ATM: variants seen among roughly 807,000 people sequenced by gnomAD.
The protein encoded by ATM is ATM serine/threonine kinase, also known as serine-protein kinase ATM.
In ATM, 308 loss-of-function variants were observed where a neutral mutation model predicts 387.0. The observed-to-expected ratio is 0.80, with a 90% CI of 0.73 to 0.87. The LOEUF is 0.87. ATM is among the 40% of genes least tolerant of loss of function. ATM has a pLI of 0.00. For synonymous variants in ATM, 1,156 were observed against 1,187.3 expected, an observed-to-expected ratio of 0.97 and a Z score of 0.54; for missense variants, 3,312 against 3,560.9, an observed-to-expected ratio of 0.93 and a Z score of 1.78.
intron 4 of ATM, among the ~76,000 whole-genome samples, chr11:108,231,797 A>G (rs1441603271): frequency 6.6e-6 from 1 of 151,540 alleles, no homozygotes; most frequent in African/African-American, 2.4e-5. Context: ...GATTGGTGGT[A>G]TGAGACTTGA....
At chr11:108,357,730 G>C (rs1490002973) in intron 61 of ATM, among the ~76,000 whole-genome samples, 2 of 152,164 alleles carry the variant, frequency 1.3e-5, no homozygotes, top group African/African-American at 2.4e-5. Context: ...CTGCAGCTGA[G>C]GGTCTTGTCT....
At chr11:108,330,930 C>A (rs1315970301) in intron 50 of ATM, among the ~76,000 whole-genome samples, 1 of 152,008 alleles carries the variant, frequency 6.6e-6, no homozygotes, top group Non-Finnish European at 1.5e-5. Flanking sequence ...AGTGATGACA[C>A]CTAATATTAA....
intron 4 of ATM, 94 bp from the exon 5 acceptor site, chr11:108,235,576 A>G: frequency 8.3e-7 from 1 of 1,207,676 alleles, no homozygotes; most frequent in Non-Finnish European, 1.2e-6. Flanking sequence ...GTTAATAGTA[A>G]TTTCCCAAAT....
chr11:108,267,895 C>T (rs938318685), intron 17 of ATM, among the ~76,000 whole-genome samples: 1 of 152,160 alleles, frequency 6.6e-6, no homozygotes, highest in African/African-American at 2.4e-5. Flanking sequence ...GTTATTTCCT[C>T]AATAGAAAGC....
chr11:108,268,836 C>G (rs1400990038), intron 18 of ATM, among the ~76,000 whole-genome samples: 1 of 152,144 alleles, frequency 6.6e-6, no homozygotes, highest in Non-Finnish European at 1.5e-5. Context: ...GATTTATTCT[C>G]TTTAGGTTTA....
At chr11:108,295,120 A>G (rs942328128) in intron 32 of ATM, 61 bp downstream of exon 32, 1 of 1,600,236 alleles carries the variant, frequency 6.2e-7, no homozygotes, top group African/African-American at 1.3e-5. Flanking sequence ...AATATTTTGC[A>G]AAGTCTTGCT....
At position 108,251,060 on chromosome 11, in the gene ATM, G is replaced by A. The variant is rs35963548; in HGVS notation, c.1595G>A (p.Cys532Tyr). 1.8e-4 allele frequency: 285 copies of A among 1,614,030 alleles called. No individual in the cohort carries two copies. The Middle Eastern group carries it at 2.3e-3, about 13-fold the overall frequency. The change falls in exon 10 of 63, where the codon TGC becomes TAC. Residue 532 changes from cysteine to tyrosine, a missense_variant. Physicochemically the swap from Cys to Tyr is radical, Grantham distance 194 (BLOSUM62 -2). Around this residue, in one of 4 missense-constraint regions of ATM, gnomAD observed 1,791 missense variants for 1,804.5 expected, o/e 0.99. Coordinates refer to ENST00000675843, the MANE Select transcript of ATM (RefSeq NM_000051.4). ...EFWKLFTGSA[C>Y]RPSCPAVCCL... ...TGGAAGTTATTTACTGGGTCAGCCT[G>A]CAGACCTTCATGGTAAGTTCAGCAT... is the stretch of plus-strand genomic sequence containing the variant.
rs587780855 is a variant in ATM, at chr11:108,253,955, C to T, written c.2040C>T (p.Phe680=). 66 of 1,613,956 alleles carry T rather than the reference C, an allele frequency of 4.1e-5. No individual in the cohort carries two copies. Among genetic ancestry groups the T allele is most frequent in the Non-Finnish European group, 5.2e-5 (61 of 1,180,004 alleles). Residue 680 remains phenylalanine, a synonymous_variant, in exon 13 of 63, where the codon TTC becomes TTT. Transcript: ENST00000675843. ...GIEKHQSSIG[F]SVHQNLKESL... ...AAAAGCACCAGTCCAGTATTGGCTT[C>T]TCTGTCCACCAGAATCTCAAGGAAT...
chr11:108,236,105 G>A, intron 5 of ATM: 1 of 455,398 alleles, frequency 2.2e-6, no homozygotes. Flanking sequence ...GTTGACAGTG[G>A]CAGAAGAAAA....
At chr11:108,335,401 T>C in intron 55 of ATM, 1 of 770,908 alleles carries the variant, frequency 1.3e-6, no homozygotes, top group South Asian at 1.8e-5. Flanking sequence ...CTTTGGTGTC[T>C]GTCTCTTATT....
intron 4 of ATM, among the ~76,000 whole-genome samples, chr11:108,233,781 A>G (rs946809689): frequency 1.3e-5 from 2 of 151,918 alleles, no homozygotes; most frequent in Admixed American, 6.6e-5. Flanking sequence ...CAGGAGGTCA[A>G]GGCTGCAGTG....
At chr11:108,249,465 A>AGG (rs2080022811) in intron 9 of ATM, among the ~76,000 whole-genome samples, 1 of 152,244 alleles carries the variant, frequency 6.6e-6, no homozygotes, top group Admixed American at 6.5e-5. Flanking sequence ...GGAAGAAGTT[A>AGG]AAGATAATCT....
chr11:108,289,448 C>G (rs981739973), intron 28 of ATM, among the ~76,000 whole-genome samples, 154 bp from the exon 29 acceptor site: 28 of 152,010 alleles, frequency 1.8e-4, no homozygotes, highest in African/African-American at 6.5e-4. Flanking sequence ...ACATTTTGTA[C>G]TTGATATCAA....
chr11:108,281,822 G>A (rs1371924542), intron 24 of ATM, among the ~76,000 whole-genome samples: 1 of 152,098 alleles, frequency 6.6e-6, no homozygotes, highest in African/African-American at 2.4e-5. Flanking sequence ...CCTATAATCA[G>A]TTAGCCTTTT....
At chr11:108,248,178 T>TCAG (rs2079948113) in intron 8 of ATM, among the ~76,000 whole-genome samples, 1 of 152,200 alleles carries the variant, frequency 6.6e-6, no homozygotes, top group African/African-American at 2.4e-5. Flanking sequence ...TATACTCCAT[T>TCAG]TTACTTACCC....
At chr11:108,262,929 G>A (rs2080992290) in intron 16 of ATM, among the ~76,000 whole-genome samples, 1 of 150,962 alleles carries the variant, frequency 6.6e-6, no homozygotes, top group East Asian at 1.9e-4. Context: ...AACAAGAAGA[G>A]CTAACTATCC....
At chr11:108,292,172 T>G (rs1320387500) in intron 29 of ATM, among the ~76,000 whole-genome samples, 1 of 152,224 alleles carries the variant, frequency 6.6e-6, no homozygotes, top group African/African-American at 2.4e-5. Context: ...ACTAATCTAC[T>G]TAGCTCCATG....
At chr11:108,235,965 T>C (rs536961785) in intron 5 of ATM, 131 bp downstream of exon 5, 6 of 1,011,162 alleles carry the variant, frequency 5.9e-6, no homozygotes, top group African/African-American at 3.2e-5. Context: ...AGTAAAATTA[T>C]ATGGTTATCG....
At chr11:108,267,067 A>T in intron 16 of ATM, 104 bp from the exon 17 acceptor site, 1 of 1,193,374 alleles carries the variant, frequency 8.4e-7, no homozygotes, top group Non-Finnish European at 1.2e-6. Flanking sequence ...AATTGCTGAG[A>T]TTACAGATGT....
Sources: gnomAD v4.1 joint callset for allele counts (sites outside exome capture counted in the v4.1 genomes callset) on GRCh38, gnomAD v4.1.1 for gene constraint, gnomAD v4.1.1 regional missense constraint, MANE v1.5 for transcripts, NCBI Gene and HGNC (gene_info 2026-07-23, HGNC 2026-07-21) for gene names.